TRPC5: variants seen among roughly 807,000 people sequenced by gnomAD.
The protein encoded by TRPC5 is short transient receptor potential channel 5.
TRPC5 carries 9 observed loss-of-function variants against 56.5 expected under a neutral mutation model. The ratio of observed to expected loss-of-function variants is 0.16; its 90% confidence interval spans 0.10 to 0.28. The LOEUF is 0.28. Among genes scored for constraint, TRPC5 ranks in the 10% least tolerant of loss-of-function variants. The pLI, the probability that TRPC5 is intolerant of heterozygous loss-of-function variation, is 1.00. For synonymous variants in TRPC5, 282 were observed against 278.5 expected (o/e 1.01, Z -0.13); for missense variants, 469 against 748.9 (o/e 0.63, Z 4.36).
At chrX:111,928,472 T>C (rs1281492100) in intron 2 of TRPC5, among the ~76,000 whole-genome samples, 2 of 112,418 alleles carry the variant, frequency 1.8e-5, no homozygotes, top group Admixed American at 9.4e-5. Context: ...AAGAACAATG[T>C]CCCTATCCCA....
At position 111,813,806 on chromosome X, in the gene TRPC5, C is replaced by CACTTGAG. The variant is rs778727371; in HGVS notation, c.1896+21108_1896+21114dup. On this transcript the variant is annotated intron_variant, in intron 7 of 10. Coordinates refer to ENST00000262839, the MANE Select transcript of TRPC5 (RefSeq NM_012471.3). Reference sequence around the variant, plus strand: ...CACTTTAACTGGTAGTTACCTACTTCACTTGAGTATAAGACCAGCTCTACT... The same window carrying CACTTGAG: ...CACTTTAACTGGTAGTTACCTACTTCACTTGAGACTTGAGTATAAGACCAGCTCTACT... 5.3e-5 allele frequency among the ~76,000 whole-genome samples: 6 copies of CACTTGAG among 112,327 alleles called. No homozygotes were observed. In the East Asian group the frequency reaches 1.7e-3, roughly 32 times the overall value.
chrX:111,981,304 G>A (rs916867177), intron 1 of TRPC5, among the ~76,000 whole-genome samples: 1 of 111,115 alleles, frequency 9.0e-6, no homozygotes, highest in African/African-American at 3.3e-5. Context: ...CAAGTGGTCA[G>A]GCAGGAGGAG....
At chrX:111,791,784 G>A (rs1469341319) in intron 7 of TRPC5, among the ~76,000 whole-genome samples, 2 of 112,244 alleles carry the variant, frequency 1.8e-5, no homozygotes, top group Middle Eastern at 4.7e-3. Context: ...TTGAAAGCTT[G>A]GCTAAAGTGC....
At chrX:112,048,140 C>T (rs1930106465) in intron 1 of TRPC5, among the ~76,000 whole-genome samples, 1 of 111,984 alleles carries the variant, frequency 8.9e-6, no homozygotes, top group South Asian at 3.6e-4. Flanking sequence ...AAAAAAAATA[C>T]AGTGCAACCA....
chrX:112,002,406 A>C (rs1002050006), intron 1 of TRPC5, among the ~76,000 whole-genome samples: 2 of 111,695 alleles, frequency 1.8e-5, no homozygotes, highest in Admixed American at 1.9e-4. Flanking sequence ...CTCCAGACTC[A>C]GTCTCCTACT....
At chrX:111,956,271 C>A (rs944822868) in intron 1 of TRPC5, among the ~76,000 whole-genome samples, 25 of 111,886 alleles carry the variant, frequency 2.2e-4, no homozygotes, top group African/African-American at 7.8e-4. Flanking sequence ...ATGGCTTGCA[C>A]CACGTGTCAT....
rs906527310 is a variant in TRPC5, at chrX:111,771,924, C to G, written c.*4389G>C. Among the ~76,000 whole-genome samples, 2 of 110,720 alleles carry G rather than the reference C, an allele frequency of 1.8e-5. No homozygotes were observed. Among genetic ancestry groups the G allele is most frequent in the Admixed American group, 1.9e-4 (2 of 10,309 alleles). On this transcript the variant is annotated 3_prime_UTR_variant, in exon 11 of 11. Transcript: ENST00000262839. ...TGAAAAGTTATTCTTGCTTCCCTCT[C>G]TTCAAAATGATCTAGTAATTACCTA...
intron 7 of TRPC5, among the ~76,000 whole-genome samples, chrX:111,820,578 A>G (rs1603043105): frequency 8.9e-6 from 1 of 112,249 alleles, no homozygotes; most frequent in African/African-American, 3.2e-5. Context: ...ATGCCCGTTC[A>G]TTTATGTACT....
intron 1 of TRPC5, among the ~76,000 whole-genome samples, chrX:111,961,248 C>A (rs992389641): frequency 8.9e-6 from 1 of 112,402 alleles, no homozygotes; most frequent in African/African-American, 3.2e-5. Context: ...CTTAAACCAG[C>A]AAATCATGAA....
chrX:111,897,848 G>A (rs920144917), intron 3 of TRPC5, among the ~76,000 whole-genome samples: 9 of 111,135 alleles, frequency 8.1e-5, no homozygotes, highest in African/African-American at 2.9e-4. Context: ...AGCTATTCTT[G>A]TAAAAGTCAC....
intron 1 of TRPC5, among the ~76,000 whole-genome samples, chrX:112,004,869 T>C (rs1354752624): frequency 9.0e-6 from 1 of 111,158 alleles, no homozygotes; most frequent in Admixed American, 9.6e-5. Flanking sequence ...TGGAGGTTTC[T>C]TGAACTTTAC....
intron 3 of TRPC5, 144 bp downstream of exon 3, chrX:111,912,147 C>G (rs188544696): frequency 3.2e-6 from 2 of 627,134 alleles, no homozygotes; most frequent in Non-Finnish European, 4.8e-6. Flanking sequence ...GTCTGTGCCT[C>G]GGATAAATGG....
At chrX:111,830,416 A>T (rs1217342535) in intron 7 of TRPC5, among the ~76,000 whole-genome samples, 1 of 111,976 alleles carries the variant, frequency 8.9e-6, no homozygotes, top group Non-Finnish European at 1.9e-5. Context: ...ATTGTGTTTT[A>T]AAAATGTAAG....
chrX:112,025,286 T>C (rs1424827555), intron 1 of TRPC5, among the ~76,000 whole-genome samples: 1 of 112,227 alleles, frequency 8.9e-6, no homozygotes, highest in East Asian at 2.8e-4. Context: ...AGCTTGCTGA[T>C]GGATATGAAA....
chrX:112,003,129 T>A (rs150118429), intron 1 of TRPC5, among the ~76,000 whole-genome samples: 2,272 of 111,764 alleles, frequency 0.02, 28 homozygotes, highest in Middle Eastern at 0.051. Flanking sequence ...GTATTGCGTA[T>A]ATAATGGTGA....
At position 111,773,589 on chromosome X, in the gene TRPC5, A is replaced by G. The variant is rs1488760992; in HGVS notation, c.*2724T>C. Among the ~76,000 whole-genome samples, 9 of 111,478 alleles carry G rather than the reference A, an allele frequency of 8.1e-5. No homozygotes were observed. The highest frequency in any genetic ancestry group is 2.9e-4 in the African/African-American group (9 of 30,714). ...TGTCTGTAGTGGCCACTTCACATCT[A>G]TATATAACATATATGCTTACTAATA... On this transcript the variant is annotated 3_prime_UTR_variant, in exon 11 of 11. Coordinates refer to ENST00000262839, the MANE Select transcript of TRPC5 (RefSeq NM_012471.3).
intron 3 of TRPC5, among the ~76,000 whole-genome samples, chrX:111,875,682 G>C (rs756172818): frequency 6.8e-5 from 7 of 102,947 alleles, no homozygotes; most frequent in African/African-American, 2.2e-4. Flanking sequence ...AAAGATTGCA[G>C]TTTATGCTGA....
intron 1 of TRPC5, among the ~76,000 whole-genome samples, chrX:111,960,353 T>G (rs1416616744): frequency 4.4e-5 from 5 of 112,495 alleles, no homozygotes; most frequent in African/African-American, 1.6e-4. Flanking sequence ...TCTCCTTCTC[T>G]CCAATGTCCA....
intron 1 of TRPC5, among the ~76,000 whole-genome samples, chrX:111,966,580 A>G (rs1233477910): frequency 1.1e-4 from 12 of 111,968 alleles, no homozygotes; most frequent in East Asian, 8.4e-4. Context: ...AAAATCCTCA[A>G]TAAAATACTG....
Sources: gnomAD v4.1 joint callset for allele counts (sites outside exome capture counted in the v4.1 genomes callset) on GRCh38, gnomAD v4.1.1 for gene constraint, MANE v1.5 for transcripts, NCBI Gene and HGNC (gene_info 2026-07-23, HGNC 2026-07-21) for gene names.